The following MACROD2 variants were observed in gnomAD, a reference collection of about 807,000 sequenced individuals.
MACROD2 encodes mono-ADP ribosylhydrolase 2.
A neutral mutation model predicts 70.4 loss-of-function variants in MACROD2; 36 were observed. The observed-to-expected ratio is 0.51, with a 90% CI of 0.39 to 0.68. The LOEUF (loss-of-function observed/expected upper bound fraction) is 0.68, where lower values mean the gene tolerates loss of function less well. Among genes scored for constraint, MACROD2 ranks in the 30% least tolerant of loss-of-function variants. The pLI is 0.00. For synonymous variants in MACROD2, 172 were observed against 178.8 expected (o/e 0.96, Z 0.30); for missense variants, 496 against 538.4 (o/e 0.92, Z 0.78).
At chr20:14,044,088 T>G (rs968493161) in intron 2 of MACROD2, among the ~76,000 whole-genome samples, 2 of 152,206 alleles carry the variant, frequency 1.3e-5, no homozygotes, top group African/African-American at 4.8e-5. Flanking sequence ...CGGTGAGTGT[T>G]ACAGTTCTTA....
At chr20:15,409,734 G>C (rs2046051655) in intron 6 of MACROD2, among the ~76,000 whole-genome samples, 1 of 152,170 alleles carries the variant, frequency 6.6e-6, no homozygotes, top group Non-Finnish European at 1.5e-5. Flanking sequence ...TTCTTCTGAT[G>C]GACTGCATGA....
chr20:15,006,141 ATGTG>A (rs11473589), intron 5 of MACROD2, among the ~76,000 whole-genome samples: 5,096 of 134,316 alleles, frequency 0.038, 108 homozygotes, highest in African/African-American at 0.061. Context: ...ATATATATAT[ATGTG>A]TGTGTGTGTG....
chr20:15,312,771 G>GTA (rs1489808864), intron 6 of MACROD2, among the ~76,000 whole-genome samples: 1 of 151,984 alleles, frequency 6.6e-6, no homozygotes, highest in Admixed American at 6.5e-5. Context: ...ATTGTTCATG[G>GTA]TATATATACA....
chr20:14,966,369 A>G (rs965131288), intron 5 of MACROD2, among the ~76,000 whole-genome samples: 1 of 152,166 alleles, frequency 6.6e-6, no homozygotes, highest in African/African-American at 2.4e-5. Context: ...TGAGCCCAGG[A>G]GTTTGACACC....
rs117150400 is a variant in MACROD2, at chr20:14,912,706, G to A, written c.418+227747G>A. The stretch of plus-strand genomic sequence containing the variant: ...AGACTAAGGCATGAAGGATTATGTC[G>A]TCTTCAAGAGCTGGAACTGAGAGAA... On this transcript the variant is annotated intron_variant, in intron 5 of 17. Transcript: ENST00000684519. Among the ~76,000 whole-genome samples, 632 of 152,192 alleles carry A rather than the reference G, an allele frequency of 4.2e-3. 6 individuals are homozygous for A. The highest frequency in any genetic ancestry group is 6.6e-3 in the Non-Finnish European group (447 of 68,012).
chr20:15,804,084 C>G (rs2147076452), intron 8 of MACROD2, among the ~76,000 whole-genome samples: 1 of 152,278 alleles, frequency 6.6e-6, no homozygotes, highest in Non-Finnish European at 1.5e-5. Context: ...TTGAGTATTT[C>G]CCCAACTCAG....
chr20:14,885,849 T>G (rs1296471941), intron 5 of MACROD2, among the ~76,000 whole-genome samples: 1 of 152,240 alleles, frequency 6.6e-6, no homozygotes, highest in Non-Finnish European at 1.5e-5. Context: ...GCTCACTTCC[T>G]CTGGGAAGAA....
chr20:15,547,955 A>G (rs569718459), intron 8 of MACROD2, among the ~76,000 whole-genome samples: 6 of 152,316 alleles, frequency 3.9e-5, no homozygotes, highest in African/African-American at 9.6e-5. Flanking sequence ...CAAGTACCCT[A>G]TGAAAGATGT....
intron 4 of MACROD2, among the ~76,000 whole-genome samples, chr20:14,683,470 G>A (rs537836667): frequency 3.9e-5 from 6 of 152,268 alleles, no homozygotes; most frequent in South Asian, 4.1e-4. Flanking sequence ...GCAGTGTAGC[G>A]TAGTCTGGAG....
chr20:14,637,852 C>G (rs1369262498), intron 4 of MACROD2, among the ~76,000 whole-genome samples: 2 of 152,132 alleles, frequency 1.3e-5, no homozygotes, highest in African/African-American at 4.8e-5. Context: ...TCCTTTCCCT[C>G]TCAGTATTCT....
chr20:14,019,416 C>T (rs562013665), intron 2 of MACROD2, among the ~76,000 whole-genome samples: 2 of 152,168 alleles, frequency 1.3e-5, no homozygotes, highest in East Asian at 3.9e-4. Context: ...GGACCAGGCA[C>T]GTGCCACCAT....
At chr20:14,495,030 A>G (rs1248248842) in intron 4 of MACROD2, among the ~76,000 whole-genome samples, 1 of 152,218 alleles carries the variant, frequency 6.6e-6, no homozygotes, top group African/African-American at 2.4e-5. Context: ...TTAAAACAAC[A>G]AATTAGGTAG....
At chr20:15,388,137 G>A (rs1252675716) in intron 6 of MACROD2, among the ~76,000 whole-genome samples, 3 of 152,054 alleles carry the variant, frequency 2.0e-5, no homozygotes, top group Non-Finnish European at 4.4e-5. Context: ...AAGAGTAAGA[G>A]TAAGCCAATG....
At chr20:14,063,127 TA>T (rs36080596) in intron 2 of MACROD2, among the ~76,000 whole-genome samples, 20 of 152,182 alleles carry the variant, frequency 1.3e-4, no homozygotes, top group Non-Finnish European at 2.2e-4. Flanking sequence ...TTTTTATGAT[TA>T]AAAAATGGGA....
intron 1 of MACROD2, among the ~76,000 whole-genome samples, chr20:13,998,243 CAT>C (rs1372503271): frequency 6.6e-6 from 1 of 151,744 alleles, no homozygotes; most frequent in Non-Finnish European, 1.5e-5. Context: ...CTGAAGACCA[CAT>C]ATGTTTAAAT....
intron 6 of MACROD2, among the ~76,000 whole-genome samples, chr20:15,336,896 G>A (rs1017443825): frequency 6.6e-6 from 1 of 151,664 alleles, no homozygotes; most frequent in African/African-American, 2.4e-5. Flanking sequence ...TCTTTCCTGG[G>A]TTAGTGACTA....
chr20:15,420,890 A>C (rs2046218716), intron 6 of MACROD2, among the ~76,000 whole-genome samples: 2 of 152,142 alleles, frequency 1.3e-5, no homozygotes, highest in South Asian at 4.1e-4. Context: ...GTTGGAGACT[A>C]GCCTAGATAG....
chr20:15,263,795 T>C (rs1275120741), intron 6 of MACROD2, among the ~76,000 whole-genome samples: 1 of 152,148 alleles, frequency 6.6e-6, no homozygotes, highest in African/African-American at 2.4e-5. Context: ...CTCATGGCTA[T>C]TAAAAATGCT....
At chr20:14,626,907 A>G (rs1984201904) in intron 4 of MACROD2, 1 of 152,238 alleles carries the variant, frequency 6.6e-6, no homozygotes, top group Admixed American at 6.6e-5. Context: ...ATATACCAGC[A>G]AACAACCTGG....
Sources: allele counts gnomAD v4.1 joint callset (sites outside exome capture counted in the v4.1 genomes callset), GRCh38; gene constraint gnomAD v4.1.1; transcripts MANE v1.5; gene names NCBI Gene and HGNC (gene_info 2026-07-23, HGNC 2026-07-21).